MYCBPAP: variants seen among roughly 807,000 people sequenced by gnomAD.
MYCBPAP encodes MYCBP associated protein.
In MYCBPAP, 60 loss-of-function variants were observed where a neutral mutation model predicts 106.1. That is an observed-to-expected ratio of 0.57 (90% confidence interval 0.46 to 0.70). The LOEUF (loss-of-function observed/expected upper bound fraction) is 0.70. Ranked by LOEUF, MYCBPAP falls within the 30% of genes least tolerant of loss-of-function variation. The pLI is 0.00. For synonymous variants in MYCBPAP, 407 were observed against 440.6 expected (o/e 0.92, Z 0.95); for missense variants, 1,064 against 1,169.3 (o/e 0.91, Z 1.31).
chr17:50,528,935 T>A, intron 17 of MYCBPAP, 83 bp from the exon 18 acceptor site: 1 of 1,596,684 alleles, frequency 6.3e-7, no homozygotes, highest in Non-Finnish European at 8.5e-7. Context: ...GTGCCCAGGC[T>A]CTCCCAGTGA....
At chr17:50,522,794 T>A in intron 10 of MYCBPAP, 145 bp from the exon 11 acceptor site, 1 of 619,042 alleles carries the variant, frequency 1.6e-6, no homozygotes, top group South Asian at 2.7e-5. Flanking sequence ...AGGATACCAC[T>A]CTGTGTGACA....
At chr17:50,530,112 A>C (rs1486640782) in intron 18 of MYCBPAP, 26 of 359,654 alleles carry the variant, frequency 7.2e-5, no homozygotes, top group Non-Finnish European at 1.4e-4. Flanking sequence ...AAGATATCAG[A>C]TGGTTGATGG....
chr17:50,527,452 T>C (rs542693059), intron 15 of MYCBPAP, 44 bp downstream of exon 15: 1 of 1,610,176 alleles, frequency 6.2e-7, no homozygotes, highest in South Asian at 1.1e-5. Flanking sequence ...CTTCCCTTTG[T>C]GGCATCTGCA....
At chr17:50,511,082 A>G (rs1247268341) in intron 1 of MYCBPAP, among the ~76,000 whole-genome samples, 1 of 152,104 alleles carries the variant, frequency 6.6e-6, no homozygotes, top group Non-Finnish European at 1.5e-5. Flanking sequence ...AGTGTTTAGC[A>G]TGCAAGATAT....
intron 4 of MYCBPAP, among the ~76,000 whole-genome samples, chr17:50,518,174 T>G (rs2034121322): frequency 6.6e-6 from 1 of 152,234 alleles, no homozygotes; most frequent in African/African-American, 2.4e-5. Context: ...CTCTTCCCCT[T>G]GCTTCCCTGG....
chr17:50,514,369 T>G (rs2033967234), intron 1 of MYCBPAP, among the ~76,000 whole-genome samples: 1 of 152,218 alleles, frequency 6.6e-6, no homozygotes, highest in Non-Finnish European at 1.5e-5. Context: ...TAAAACCAAA[T>G]TTTGTTTTAA....
chr17:50,523,347 A>T (rs1262514988), intron 11 of MYCBPAP, among the ~76,000 whole-genome samples: 1 of 152,116 alleles, frequency 6.6e-6, no homozygotes, highest in Non-Finnish European at 1.5e-5. Context: ...GCCACCAGGG[A>T]GCAGAAGCGT....
In MYCBPAP at chr17:50,519,714, G is replaced by C; in HGVS notation, c.843G>C (p.Lys281Asn). The change falls in exon 7 of 19, where the codon AAG (lysine) becomes AAC (asparagine). Residue 281 changes from lysine to asparagine, a missense_variant. Lys to Asn is a moderately conservative substitution (Grantham distance 94, BLOSUM62 0). Transcript: ENST00000323776. ...GDEMTGLVMT[K>N]TKTQRGLMEP... ...AGATGACAGGTCTGGTCATGACCAA[G>C]ACAAAAACTCAGCGTGGCCTCATGG... The C allele has an allele frequency of 6.2e-7, 1 of 1,614,170 alleles. No homozygotes were observed. The highest frequency in any genetic ancestry group is 1.1e-5 in the South Asian group (1 of 91,082).
At chr17:50,508,145 C>G (rs1306150920), upstream of MYCBPAP, among the ~76,000 whole-genome samples, 1 of 152,182 alleles carries the variant, frequency 6.6e-6, no homozygotes, top group Non-Finnish European at 1.5e-5. Context: ...GGCCCGATCC[C>G]CCCCCAGAAC....
chr17:50,523,148 C>A lies in MYCBPAP; in HGVS notation c.1447+20C>A. 1 of 1,609,224 alleles carries A rather than the reference C, an allele frequency of 6.2e-7. No homozygotes were observed. The highest frequency in any genetic ancestry group is 1.1e-5 in the South Asian group (1 of 90,770). ...GGGAAGGTACTCGGGAGAAGCCACC[C>A]TATGTGCTAGCTCCTGTCTGGGGCT... is the stretch of plus-strand genomic sequence containing the variant. On this transcript the variant is annotated intron_variant, in intron 11 of 18. Coordinates refer to ENST00000323776, the MANE Select transcript of MYCBPAP (RefSeq NM_032133.6).
intron 12 of MYCBPAP, 140 bp from the exon 13 acceptor site, chr17:50,524,737 T>TGTGTGTGTGTGTGTGTGTGTGTGTGA (rs373928628): frequency 1.7e-5 from 8 of 463,566 alleles, no homozygotes; most frequent in South Asian, 9.3e-5. Flanking sequence ...TGTGTGTGTG[T>TGTGTGTGTGTGTGTGTGTGTGTGTGA]GAGAGAGAGA....
chr17:50,513,127 A>G (rs1324020124), intron 1 of MYCBPAP, among the ~76,000 whole-genome samples: 1 of 151,238 alleles, frequency 6.6e-6, no homozygotes, highest in Non-Finnish European at 1.5e-5. Flanking sequence ...CTGAGGCAGG[A>G]GAATCGCTTG....
At chr17:50,518,923 CCT>C (rs1450732974) in intron 5 of MYCBPAP, 49 bp from the exon 6 acceptor site, 15 of 1,556,128 alleles carry the variant, frequency 9.6e-6, no homozygotes, top group Admixed American at 6.7e-5. Context: ...TGCCAAGGCC[CCT>C]GTTTGTTCTG....
intron 4 of MYCBPAP, among the ~76,000 whole-genome samples, chr17:50,517,982 G>T (rs949708431): frequency 6.6e-6 from 1 of 152,246 alleles, no homozygotes; most frequent in African/African-American, 2.4e-5. Flanking sequence ...AAGGCATCAG[G>T]ACTCAGGGCC....
At chr17:50,509,326 A>T (rs1285561861) in intron 1 of MYCBPAP, 1 of 593,380 alleles carries the variant, frequency 1.7e-6, no homozygotes, top group East Asian at 2.9e-5. Context: ...GATGACACTT[A>T]TCCAGCTCCT....
chr17:50,516,768 AC>A, intron 2 of MYCBPAP, 71 bp downstream of exon 2: 1 of 1,568,974 alleles, frequency 6.4e-7, no homozygotes, highest in South Asian at 1.1e-5. Flanking sequence ...GGTCTAGAAC[AC>A]CAGCCATGTC....
intron 12 of MYCBPAP, among the ~76,000 whole-genome samples, chr17:50,524,467 G>A (rs554754192): frequency 5.9e-4 from 90 of 152,166 alleles, no homozygotes; most frequent in Non-Finnish European, 1.2e-3. Flanking sequence ...CACACAAGGC[G>A]CCCCTCCCGT....
At chr17:50,529,944 G>A (rs1395322112) in intron 18 of MYCBPAP, 1 of 431,592 alleles carries the variant, frequency 2.3e-6, no homozygotes, top group East Asian at 7.2e-5. Context: ...TTGGAGGGGA[G>A]GTCCACAAAG....
At chr17:50,526,323 A>G (rs968098554) in intron 14 of MYCBPAP, 56 bp downstream of exon 14, 1 of 1,509,176 alleles carries the variant, frequency 6.6e-7, no homozygotes, top group African/African-American at 1.4e-5. Context: ...TCGAACCAAC[A>G]AGGGAGGACC....
Sources: allele counts gnomAD v4.1 joint callset (sites outside exome capture counted in the v4.1 genomes callset), GRCh38; gene constraint gnomAD v4.1.1; transcripts MANE v1.5; gene names NCBI Gene and HGNC (gene_info 2026-07-23, HGNC 2026-07-21).